APBB2: variants seen among roughly 807,000 people sequenced by gnomAD.
APBB2 encodes amyloid beta precursor protein binding family B member 2.
A neutral mutation model predicts 82.5 loss-of-function variants in APBB2; 38 were observed. The ratio of observed to expected loss-of-function variants is 0.46; its 90% CI spans 0.36 to 0.60. The LOEUF (loss-of-function observed/expected upper bound fraction) is 0.60, where lower values mean the gene tolerates loss of function less well. APBB2 is among the 20% of genes least tolerant of loss of function. The pLI is 0.00. For missense variants in APBB2, 772 were observed against 972.3 expected (o/e 0.79, Z 2.74); for synonymous variants, 341 against 368.2 (o/e 0.93, Z 0.85).
chr4:41,114,379 A>C (rs1750241140), intron 2 of APBB2, among the ~76,000 whole-genome samples: 1 of 152,234 alleles, frequency 6.6e-6, no homozygotes, highest in Admixed American at 6.5e-5. Flanking sequence ...TGAATGGGTA[A>C]AAGCTGGAAG....
chr4:41,021,267 C>T (rs186033521), intron 5 of APBB2, among the ~76,000 whole-genome samples: 4 of 152,314 alleles, frequency 2.6e-5, no homozygotes, highest in East Asian at 3.9e-4. Flanking sequence ...GCCCGGTCTT[C>T]GCCCCTATCC....
intron 6 of APBB2, among the ~76,000 whole-genome samples, chr4:40,954,509 A>G (rs1352286331): frequency 6.6e-6 from 1 of 152,162 alleles, no homozygotes; most frequent in African/African-American, 2.4e-5. Flanking sequence ...CACCCGGCCT[A>G]AGACACTAGT....
intron 3 of APBB2, among the ~76,000 whole-genome samples, chr4:41,095,031 C>T (rs1207920994): frequency 6.6e-6 from 1 of 152,134 alleles, no homozygotes; most frequent in Non-Finnish European, 1.5e-5. Context: ...AAAAACAACA[C>T]AGGATGCAAG....
chr4:40,867,445 T>C (rs1186944349), intron 12 of APBB2, among the ~76,000 whole-genome samples: 1 of 152,202 alleles, frequency 6.6e-6, no homozygotes, highest in Non-Finnish European at 1.5e-5. Flanking sequence ...CCCCTTTTTG[T>C]AAACAAAATA....
chr4:41,107,089 C>G (rs953671270), intron 2 of APBB2, among the ~76,000 whole-genome samples: 1 of 152,078 alleles, frequency 6.6e-6, no homozygotes, highest in Non-Finnish European at 1.5e-5. Context: ...GCAGGCAGAT[C>G]ACTTGAAGCC....
At chr4:40,944,004 T>C (rs1181335004) in intron 7 of APBB2, among the ~76,000 whole-genome samples, 1 of 152,224 alleles carries the variant, frequency 6.6e-6, no homozygotes, top group Non-Finnish European at 1.5e-5. Context: ...ACAGGAAGGG[T>C]GATATCTATT....
chr4:41,101,843 C>T (rs548456145), intron 2 of APBB2, among the ~76,000 whole-genome samples: 9 of 151,974 alleles, frequency 5.9e-5, no homozygotes, highest in African/African-American at 2.2e-4. Flanking sequence ...CCTGTAATCC[C>T]AGCTACTCAG....
intron 1 of APBB2, among the ~76,000 whole-genome samples, chr4:41,186,643 G>A (rs1405218877): frequency 6.6e-6 from 1 of 152,108 alleles, no homozygotes; most frequent in Non-Finnish European, 1.5e-5. Flanking sequence ...AATTACTGCT[G>A]ACTAGAAATA....
intron 17 of APBB2, among the ~76,000 whole-genome samples, chr4:40,819,889 T>A (rs2154294832): frequency 6.6e-6 from 1 of 152,298 alleles, no homozygotes; most frequent in Non-Finnish European, 1.5e-5. Context: ...CGTAGCTCAC[T>A]GCACCTCGAC....
chr4:40,871,578 C>A (rs938983175), intron 12 of APBB2, among the ~76,000 whole-genome samples: 1 of 152,160 alleles, frequency 6.6e-6, no homozygotes, highest in African/African-American at 2.4e-5. Context: ...GTTTCAGACA[C>A]GGTTCAGCCA....
chr4:40,896,237 G>A (rs1773632370), intron 10 of APBB2, among the ~76,000 whole-genome samples: 1 of 152,134 alleles, frequency 6.6e-6, no homozygotes, highest in Non-Finnish European at 1.5e-5. Context: ...GCTAATGTTT[G>A]TATTTTGGTA....
intron 2 of APBB2, among the ~76,000 whole-genome samples, chr4:41,118,697 C>A (rs200635840): frequency 2.0e-5 from 3 of 151,762 alleles, no homozygotes; most frequent in East Asian, 3.9e-4. Context: ...AATCTGATAG[C>A]CTTTAGTTAA....
At chr4:41,038,058 T>C (rs1288792103) in intron 4 of APBB2, among the ~76,000 whole-genome samples, 1 of 152,020 alleles carries the variant, frequency 6.6e-6, no homozygotes, top group Non-Finnish European at 1.5e-5. Flanking sequence ...CTAGCAACAA[T>C]AGTTTCCTTC....
At chr4:41,173,186 A>G (rs924418619) in intron 1 of APBB2, among the ~76,000 whole-genome samples, 1 of 152,252 alleles carries the variant, frequency 6.6e-6, no homozygotes, top group African/African-American at 2.4e-5. Context: ...TATCTCAGGT[A>G]TGAACTAATA....
chr4:40,933,796 C>T (rs1784778730), intron 10 of APBB2, among the ~76,000 whole-genome samples: 2 of 152,222 alleles, frequency 1.3e-5, no homozygotes, highest in Admixed American at 1.3e-4. Flanking sequence ...TTGGACTTGA[C>T]TTATAAGATA....
chr4:41,016,809 C>G (rs559167423), intron 5 of APBB2, among the ~76,000 whole-genome samples: 1 of 152,068 alleles, frequency 6.6e-6, no homozygotes, highest in Admixed American at 6.5e-5. Flanking sequence ...CCATCCAATA[C>G]AAACTGGATG....
At chr4:40,990,778 CTG>C (rs1801802415) in intron 6 of APBB2, among the ~76,000 whole-genome samples, 1 of 152,176 alleles carries the variant, frequency 6.6e-6, no homozygotes, top group Non-Finnish European at 1.5e-5. Context: ...ATTTTAAAAA[CTG>C]TGTCATCATC....
chr4:40,851,738 A>ATATATATATTTTT (rs1192919460), intron 12 of APBB2, among the ~76,000 whole-genome samples: 16 of 67,730 alleles, frequency 2.4e-4, no homozygotes, highest in Non-Finnish European at 3.3e-4. Flanking sequence ...ATATATATAT[A>ATATATATATTTTT]TTTTTTTTTT....
At chr4:40,980,795 G>C (rs996904567) in intron 6 of APBB2, among the ~76,000 whole-genome samples, 2 of 152,152 alleles carry the variant, frequency 1.3e-5, no homozygotes, top group African/African-American at 4.8e-5. Context: ...ATGTCCAAAG[G>C]CACTATTTCC....
Sources: gnomAD v4.1 joint callset for allele counts (sites outside exome capture counted in the v4.1 genomes callset) on GRCh38, gnomAD v4.1.1 for gene constraint, MANE v1.5 for transcripts, NCBI Gene and HGNC (gene_info 2026-07-23, HGNC 2026-07-21) for gene names.